QTMAN: variants seen among roughly 807,000 people sequenced by gnomAD.
QTMAN encodes the protein tRNA-queuosine alpha-mannosyltransferase.
the QTMAN span, among the ~76,000 whole-genome samples, chr2:144,133,398 TA>T: frequency 1.6e-4 from 10 of 61,120 alleles, no homozygotes; most frequent in Admixed American, 3.2e-3. Flanking sequence ...ATATATTATA[TA>T]AATATAATAT....
At chr2:144,127,332 T>C in the QTMAN span, among the ~76,000 whole-genome samples, 5 of 151,922 alleles carry the variant, frequency 3.3e-5, no homozygotes, top group African/African-American at 1.2e-4. Context: ...AACCTACCCA[T>C]AAGCAGCAGG....
the QTMAN span, among the ~76,000 whole-genome samples, chr2:144,018,347 A>G: frequency 6.6e-6 from 1 of 151,972 alleles, no homozygotes. Context: ...TTTGGCTCCC[A>G]TATTAAATGT....
the QTMAN span, among the ~76,000 whole-genome samples, chr2:143,952,344 G>T: frequency 0.055 from 8,282 of 151,404 alleles, 308 homozygotes; most frequent in East Asian, 0.16. Flanking sequence ...TTAGTGATGA[G>T]ATTTTTTTCA....
chr2:144,184,610 A>G, the QTMAN span, among the ~76,000 whole-genome samples: 20 of 152,064 alleles, frequency 1.3e-4, no homozygotes, highest in African/African-American at 3.6e-4. Context: ...TTTGGAAATG[A>G]TTTTTTTTAG....
At chr2:144,119,272 T>C in the QTMAN span, among the ~76,000 whole-genome samples, 1 of 152,202 alleles carries the variant, frequency 6.6e-6, no homozygotes, top group Non-Finnish European at 1.5e-5. Context: ...GATTTCTAAC[T>C]TTGCACTAAC....
the QTMAN span, among the ~76,000 whole-genome samples, chr2:144,019,568 T>A: frequency 6.6e-6 from 1 of 152,022 alleles, no homozygotes; most frequent in East Asian, 1.9e-4. Flanking sequence ...TTCCTCTATA[T>A]AGAGGTACAC....
chr2:144,020,483 C>G, the QTMAN span, among the ~76,000 whole-genome samples: 1 of 152,212 alleles, frequency 6.6e-6, no homozygotes. Context: ...AACCCTCTGT[C>G]CTTGTGACAA....
At chr2:144,157,446 T>C in the QTMAN span, among the ~76,000 whole-genome samples, 18 of 152,072 alleles carry the variant, frequency 1.2e-4, 1 homozygote, top group South Asian at 8.3e-4. Flanking sequence ...CTCAGAGCTG[T>C]CCCTTCTTCC....
chr2:144,118,858 G>A, the QTMAN span, among the ~76,000 whole-genome samples: 1 of 152,170 alleles, frequency 6.6e-6, no homozygotes, highest in Non-Finnish European at 1.5e-5. Flanking sequence ...TCCAGCCTGG[G>A]CGACAGAGCA....
chr2:144,083,978 AT>A, the QTMAN span, among the ~76,000 whole-genome samples: 2 of 152,150 alleles, frequency 1.3e-5, no homozygotes, highest in Non-Finnish European at 2.9e-5. Flanking sequence ...TTATGCTTTT[AT>A]TTTTTACTTC....
the QTMAN span, among the ~76,000 whole-genome samples, chr2:144,192,718 T>C: frequency 3.9e-5 from 6 of 152,248 alleles, no homozygotes; most frequent in East Asian, 7.7e-4. Flanking sequence ...TTCAAAGATA[T>C]GTTCAAGCTA....
At chr2:144,253,872 A>G in the QTMAN span, among the ~76,000 whole-genome samples, 2 of 152,216 alleles carry the variant, frequency 1.3e-5, no homozygotes, top group Non-Finnish European at 2.9e-5. Flanking sequence ...TCTCCAGGGC[A>G]TGTTAGAGAC....
At chr2:144,320,125 A>G in the QTMAN span, among the ~76,000 whole-genome samples, 3 of 152,202 alleles carry the variant, frequency 2.0e-5, no homozygotes, top group African/African-American at 4.8e-5. Context: ...AGATTATATG[A>G]AGCTAAATTT....
At chr2:143,963,870 T>C in the QTMAN span, 8 of 152,244 alleles carry the variant, frequency 5.3e-5, no homozygotes, top group African/African-American at 1.2e-4. Context: ...TTTCAGATTC[T>C]TGAAGACTAA....
chr2:144,204,578 A>C, the QTMAN span, among the ~76,000 whole-genome samples: 1 of 152,254 alleles, frequency 6.6e-6, no homozygotes, highest in African/African-American at 2.4e-5. Flanking sequence ...TGTGGAAGTC[A>C]GCGTGGCAAT....
the QTMAN span, among the ~76,000 whole-genome samples, chr2:144,219,910 C>T: frequency 6.6e-6 from 1 of 152,172 alleles, no homozygotes; most frequent in African/African-American, 2.4e-5. Flanking sequence ...TACATGAATA[C>T]AGATAGGTAT....
the QTMAN span, among the ~76,000 whole-genome samples, chr2:144,017,907 T>A: frequency 2.0e-5 from 3 of 152,200 alleles, no homozygotes; most frequent in East Asian, 5.8e-4. Context: ...GTTCTTATAC[T>A]TTAGCCATCC....
chr2:144,216,184 A>G, the QTMAN span, among the ~76,000 whole-genome samples: 5 of 152,186 alleles, frequency 3.3e-5, no homozygotes, highest in Non-Finnish European at 7.4e-5. Context: ...ACTTTTGTTA[A>G]AATTTCTGCT....
At chr2:144,143,971 C>T in the QTMAN span, among the ~76,000 whole-genome samples, 2 of 151,898 alleles carry the variant, frequency 1.3e-5, no homozygotes, top group East Asian at 3.9e-4. Context: ...CTGAACAGGA[C>T]TGCCTTTTGA....
Sources: allele counts gnomAD v4.1 joint callset (sites outside exome capture counted in the v4.1 genomes callset), GRCh38; gene constraint gnomAD v4.1.1; transcripts MANE v1.5; gene names NCBI Gene and HGNC (gene_info 2026-07-23, HGNC 2026-07-21).